The following ESRRG variants were observed in gnomAD, a reference collection of about 807,000 sequenced individuals.
The protein encoded by ESRRG is estrogen related receptor gamma, also known as estrogen-related receptor gamma.
Under a neutral mutation model 44.0 loss-of-function variants are expected in ESRRG, and 13 were observed. That is an observed-to-expected ratio of 0.30 (90% CI 0.19 to 0.47). The LOEUF (loss-of-function observed/expected upper bound fraction) is 0.47, where lower values mean the gene tolerates loss of function less well. ESRRG is among the 20% of genes least tolerant of loss of function. ESRRG has a pLI of 1.00. For synonymous variants in ESRRG, 215 were observed against 214.6 expected (o/e 1.00, Z -0.02); for missense variants, 395 against 580.6 (o/e 0.68, Z 3.29).
chr1:216,911,783 A>G (rs965727830), intron 2 of ESRRG, among the ~76,000 whole-genome samples: 1 of 152,056 alleles, frequency 6.6e-6, no homozygotes, highest in Non-Finnish European at 1.5e-5. Context: ...AAAAAAGAAA[A>G]GACAGGCTGG....
rs538843462 is a variant in ESRRG, at chr1:216,891,954, G to T, written c.-14+47628C>A. 2.0e-5 allele frequency among the ~76,000 whole-genome samples: 3 copies of T among 152,022 alleles called. No homozygotes were observed. The South Asian group carries it at 6.2e-4, about 32-fold the overall frequency. ...AGCTGGGAGCTGGGACAACAGGCAT[G>T]TGCCAGCATGCCCGACTAATTTTTG... is the stretch of plus-strand genomic sequence containing the variant. On this transcript the variant is annotated intron_variant, in intron 2 of 7. Coordinates refer to the ESRRG transcript ENST00000359162.
chr1:216,789,979 G>A (rs930478762), intron 2 of ESRRG, among the ~76,000 whole-genome samples: 4 of 152,112 alleles, frequency 2.6e-5, no homozygotes, highest in Non-Finnish European at 4.4e-5. Flanking sequence ...AATGAATTAT[G>A]AGCAAAAGTG....
At chr1:216,698,802 A>C (rs1021659655) in intron 1 of ESRRG, among the ~76,000 whole-genome samples, 1 of 152,184 alleles carries the variant, frequency 6.6e-6, no homozygotes, top group Non-Finnish European at 1.5e-5. Context: ...GCCTCTCTCC[A>C]GTGTCTAAGG....
At chr1:216,806,614 C>T (rs978544186) in intron 2 of ESRRG, among the ~76,000 whole-genome samples, 6 of 152,180 alleles carry the variant, frequency 3.9e-5, no homozygotes, top group African/African-American at 1.2e-4. Flanking sequence ...GCATAACGTG[C>T]AGGCTGCAAT....
chr1:216,756,264 A>G (rs2092439558), intron 2 of ESRRG, among the ~76,000 whole-genome samples: 1 of 152,036 alleles, frequency 6.6e-6, no homozygotes, highest in Non-Finnish European at 1.5e-5. Context: ...TATAAATATT[A>G]GGGTTTTTTC....
chr1:216,836,560 C>T (rs1352245997), intron 2 of ESRRG, among the ~76,000 whole-genome samples: 2 of 152,106 alleles, frequency 1.3e-5, no homozygotes, highest in African/African-American at 2.4e-5. Context: ...ACCGGGGAAG[C>T]GCCAGGAAAA....
At chr1:216,909,486 T>G (rs1219757498) in intron 2 of ESRRG, among the ~76,000 whole-genome samples, 2 of 152,144 alleles carry the variant, frequency 1.3e-5, no homozygotes, top group Admixed American at 1.3e-4. Context: ...TCTAATTTAT[T>G]TATTTATTTG....
intron 3 of ESRRG, 64 bp from the exon 4 acceptor site, chr1:216,568,162 C>T: frequency 9.1e-7 from 1 of 1,102,740 alleles, no homozygotes; most frequent in Admixed American, 1.7e-5. Flanking sequence ...AATCAAATAC[C>T]TAGATGGTAT....
At chr1:217,084,732 AT>A (rs917712387) in intron 1 of ESRRG, among the ~76,000 whole-genome samples, 1 of 152,186 alleles carries the variant, frequency 6.6e-6, no homozygotes, top group African/African-American at 2.4e-5. Flanking sequence ...CAGGTTATTT[AT>A]TTTAGCAGAT....
chr1:216,610,667 G>GA (rs2060524653), intron 3 of ESRRG, among the ~76,000 whole-genome samples: 1 of 151,712 alleles, frequency 6.6e-6, no homozygotes, highest in Non-Finnish European at 1.5e-5. Flanking sequence ...GTGCTACCAA[G>GA]AAAAAAATTG....
intron 2 of ESRRG, among the ~76,000 whole-genome samples, chr1:216,873,849 G>A (rs1217707881): frequency 1.4e-5 from 2 of 137,962 alleles, no homozygotes; most frequent in African/African-American, 2.7e-5. Flanking sequence ...AAGGAACAGA[G>A]AAAAAAGAAG....
At chr1:217,029,583 A>C (rs924289372) in intron 1 of ESRRG, among the ~76,000 whole-genome samples, 3 of 152,220 alleles carry the variant, frequency 2.0e-5, no homozygotes, top group African/African-American at 7.2e-5. Context: ...CTCTGTGTCC[A>C]TTCAATTTTC....
intron 2 of ESRRG, among the ~76,000 whole-genome samples, chr1:216,734,904 C>CTTTTT (rs11309409): frequency 6.5e-4 from 65 of 100,342 alleles, no homozygotes; most frequent in African/African-American, 1.4e-3. Flanking sequence ...GTTCCATATT[C>CTTTTT]TTTTTTTTTT....
At chr1:216,586,410 T>C (rs2063797969) in intron 3 of ESRRG, among the ~76,000 whole-genome samples, 1 of 152,196 alleles carries the variant, frequency 6.6e-6, no homozygotes, top group Non-Finnish European at 1.5e-5. Flanking sequence ...AAGCTTAAGG[T>C]AAATTAAAAG....
In ESRRG at chr1:217,072,826, C is replaced by A. The variant is rs577326218; in HGVS notation, c.-106+16681G>T. 2.3e-4 allele frequency among the ~76,000 whole-genome samples: 35 copies of A among 152,258 alleles called. No individual in the cohort carries two copies. In the East Asian group the frequency reaches 6.4e-3, roughly 28 times the overall value. ...ATCGCAAGCCATAGCCCTGGTTTTGCAGCTCATGTGTTGTGTGGGCAACTT... is the reference window on the plus strand; with the variant it reads ...ATCGCAAGCCATAGCCCTGGTTTTGAAGCTCATGTGTTGTGTGGGCAACTT... On this transcript the variant is annotated intron_variant, in intron 1 of 7. Transcript: ENST00000359162.
intron 1 of ESRRG, among the ~76,000 whole-genome samples, chr1:217,040,010 C>T (rs1353224797): frequency 2.0e-5 from 3 of 152,184 alleles, no homozygotes; most frequent in Admixed American, 1.3e-4. Flanking sequence ...CACATGAACA[C>T]ACACCACACA....
At chr1:216,867,318 C>A (rs756395337) in intron 2 of ESRRG, among the ~76,000 whole-genome samples, 4 of 152,098 alleles carry the variant, frequency 2.6e-5, no homozygotes, top group Admixed American at 2.0e-4. Flanking sequence ...ATTTTTCTAA[C>A]CTCTCCTTTT....
At chr1:216,957,102 C>T (rs2068089189) in intron 1 of ESRRG, among the ~76,000 whole-genome samples, 1 of 152,158 alleles carries the variant, frequency 6.6e-6, no homozygotes, top group Non-Finnish European at 1.5e-5. Context: ...TACTTCTTTG[C>T]TGAACATTAG....
upstream of ESRRG, among the ~76,000 whole-genome samples, chr1:216,726,516 A>G (rs1315584229): frequency 6.6e-6 from 1 of 152,124 alleles, no homozygotes; most frequent in Non-Finnish European, 1.5e-5. Context: ...AAGAATCTCA[A>G]TTACAAAAAA....
Sources: gnomAD v4.1 joint callset for allele counts (sites outside exome capture counted in the v4.1 genomes callset) on GRCh38, gnomAD v4.1.1 for gene constraint, MANE v1.5 for transcripts, NCBI Gene and HGNC (gene_info 2026-07-23, HGNC 2026-07-21) for gene names.